Variants in FBXO34 observed in about 807,000 individuals in gnomAD.
The protein encoded by FBXO34 is F-box only protein 34.
In FBXO34, 12 loss-of-function variants were observed where a neutral mutation model predicts 24.5. The observed-to-expected ratio is 0.49, with a 90% CI of 0.31 to 0.79. The LOEUF (loss-of-function observed/expected upper bound fraction) is 0.79. Among genes scored for constraint, FBXO34 ranks in the 30% least tolerant of loss-of-function variants. The pLI is 0.04. For synonymous variants in FBXO34, 320 were observed against 311.9 expected, an observed-to-expected ratio of 1.03 and a Z score of -0.27; for missense variants, 823 against 857.7, an observed-to-expected ratio of 0.96 and a Z score of 0.51.
chr14:55,337,756 A>G (rs1228650315), intron 1 of FBXO34, among the ~76,000 whole-genome samples: 2 of 152,226 alleles, frequency 1.3e-5, no homozygotes, highest in East Asian at 1.9e-4. Context: ...AAGGTGTCAA[A>G]CTTGAGGCAT....
the FBXO34 span, among the ~76,000 whole-genome samples, chr14:55,407,135 T>C: frequency 6.6e-6 from 1 of 151,936 alleles, no homozygotes; most frequent in Non-Finnish European, 1.5e-5. Context: ...CTAATTTTTG[T>C]TTTTGTTTTT....
At chr14:55,346,052 C>T (rs1368772856) in intron 1 of FBXO34, among the ~76,000 whole-genome samples, 1 of 152,098 alleles carries the variant, frequency 6.6e-6, no homozygotes, top group Non-Finnish European at 1.5e-5. Context: ...AGGAAATGAA[C>T]ATTTGTAGGT....
At chr14:55,285,790 T>A (rs916985735) in intron 1 of FBXO34, among the ~76,000 whole-genome samples, 1 of 152,248 alleles carries the variant, frequency 6.6e-6, no homozygotes, top group East Asian at 1.9e-4. Context: ...AACTGAACAC[T>A]TGTTCATGTT....
At chr14:55,414,127 A>G in the FBXO34 span, 2 of 556,376 alleles carry the variant, frequency 3.6e-6, no homozygotes, top group Non-Finnish European at 6.7e-6. Context: ...ATGATGCTAC[A>G]ATATCATTCT....
chr14:55,393,605 G>A, the FBXO34 span, among the ~76,000 whole-genome samples: 1 of 151,044 alleles, frequency 6.6e-6, no homozygotes, highest in Non-Finnish European at 1.5e-5. Flanking sequence ...GAGTATGGTG[G>A]TGTGATTACA....
the FBXO34 span, among the ~76,000 whole-genome samples, chr14:55,375,962 T>C: frequency 2.6e-5 from 4 of 152,220 alleles, no homozygotes; most frequent in Non-Finnish European, 4.4e-5. Flanking sequence ...TGCTAGTAAT[T>C]TTCCCCCCTA....
chr14:55,295,059 C>CA (rs1457379579), intron 1 of FBXO34, among the ~76,000 whole-genome samples: 1 of 152,196 alleles, frequency 6.6e-6, no homozygotes, highest in Non-Finnish European at 1.5e-5. Context: ...ATTGAATACT[C>CA]AAAGTGGAAA....
At chr14:55,377,907 A>T in the FBXO34 span, 1 of 1,591,052 alleles carries the variant, frequency 6.3e-7, no homozygotes, top group South Asian at 1.1e-5. Context: ...TTTACATGCT[A>T]AAAAAAATTA....
the FBXO34 span, chr14:55,413,622 T>TCTCTGG: frequency 2.3e-6 from 1 of 439,622 alleles, no homozygotes; most frequent in South Asian, 1.9e-5. Flanking sequence ...TCTAAGTGCT[T>TCTCTGG]GTCTGGGTGG....
intron 1 of FBXO34, among the ~76,000 whole-genome samples, chr14:55,280,024 G>A (rs1225899148): frequency 6.6e-6 from 1 of 152,178 alleles, no homozygotes; most frequent in Admixed American, 6.5e-5. Context: ...TAAACCTCCA[G>A]TGTGGTAGTG....
chr14:55,343,411 C>T (rs1400709708), intron 1 of FBXO34, among the ~76,000 whole-genome samples: 11 of 151,926 alleles, frequency 7.2e-5, no homozygotes, highest in African/African-American at 2.7e-4. Flanking sequence ...CCACCACACC[C>T]GGCTAATTTT....
chr14:55,397,374 T>C, the FBXO34 span: 1 of 1,613,194 alleles, frequency 6.2e-7, no homozygotes, highest in Non-Finnish European at 8.5e-7. Context: ...ACACTCACTC[T>C]TTCTGAAATT....
chr14:55,424,041 A>T, the FBXO34 span: 1 of 659,986 alleles, frequency 1.5e-6, no homozygotes, highest in Non-Finnish European at 2.6e-6. Flanking sequence ...TTTTCATTCC[A>T]GGTATTCTGT....
In FBXO34 at chr14:55,309,309, G is replaced by A. The variant is rs559432577; in HGVS notation, c.-11+37772G>A. Among the ~76,000 whole-genome samples, 7 of 152,184 alleles carry A rather than the reference G, an allele frequency of 4.6e-5. No individual in the cohort carries two copies. In the South Asian group the frequency reaches 6.2e-4, roughly 14 times the overall value. On this transcript the variant is annotated intron_variant, in intron 1 of 1. Transcript: ENST00000313833. Reference sequence around the variant, plus strand: ...GCTGGTTTTTTTGCAGGAGTGTGGCGGTGTGTGGATGGGGGAGATGTCTCT... The same window carrying A: ...GCTGGTTTTTTTGCAGGAGTGTGGCAGTGTGTGGATGGGGGAGATGTCTCT...
rs538759130 is a variant in FBXO34, at chr14:55,349,613, T to C, written c.-10-768T>C. Among the ~76,000 whole-genome samples the C allele has an allele frequency of 8.5e-4, 126 of 148,012 alleles. 3 individuals carry two copies. The South Asian group carries it at 0.027, about 31-fold the overall frequency. ...TTTAGGAAGCAATAATTTTCTTTTTTTTTTTTTTTTTTGAGACAAAGTCTC... is the reference window on the plus strand; with the variant it reads ...TTTAGGAAGCAATAATTTTCTTTTTCTTTTTTTTTTTTGAGACAAAGTCTC... On this transcript the variant is annotated intron_variant, in intron 1 of 1. Transcript: ENST00000313833.
At chr14:55,286,981 T>C (rs1046299782) in intron 1 of FBXO34, among the ~76,000 whole-genome samples, 2 of 149,854 alleles carry the variant, frequency 1.3e-5, no homozygotes, top group African/African-American at 4.9e-5. Context: ...TGATCTCAGC[T>C]CACTGCAACC....
intron 1 of FBXO34, among the ~76,000 whole-genome samples, chr14:55,283,026 T>C (rs1409507300): frequency 1.3e-5 from 2 of 152,248 alleles, no homozygotes; most frequent in African/African-American, 2.4e-5. Context: ...AGTACTTTTT[T>C]ACAAACCCTA....
rs1368455644 is a variant in FBXO34 at position 55,331,685 on chromosome 14, G to GTATA, written c.-10-18695_-10-18694insATAT. Among the ~76,000 whole-genome samples, 5 of 31,894 alleles carry GTATA rather than the reference G, an allele frequency of 1.6e-4. 1 individual carries two copies. The highest frequency in any genetic ancestry group is 1.3e-3 in the African/African-American group (5 of 3,882). The allele number at this position is 31,894 out of a possible 152,430, so 20.9% of individuals were successfully genotyped here. On this transcript the variant is annotated intron_variant, in intron 1 of 1. Transcript: ENST00000313833. ...ACATGGTGTGTGTATATATATATAT[G>GTATA]TGTATATATATATATATATGTATAT...
chr14:55,279,379 A>T (rs1881456318), intron 1 of FBXO34, among the ~76,000 whole-genome samples: 1 of 152,134 alleles, frequency 6.6e-6, no homozygotes, highest in South Asian at 2.1e-4. Flanking sequence ...TCTGTAACGA[A>T]AGATCATGTG....
Sources: gnomAD v4.1 joint callset for allele counts (sites outside exome capture counted in the v4.1 genomes callset) on GRCh38, gnomAD v4.1.1 for gene constraint, MANE v1.5 for transcripts, NCBI Gene and HGNC (gene_info 2026-07-23, HGNC 2026-07-21) for gene names.